Variants in DLC1 observed in about 807,000 individuals in gnomAD.
The protein encoded by DLC1 is rho GTPase-activating protein 7.
Under a neutral mutation model 140.3 loss-of-function variants are expected in DLC1, and 54 were observed. The ratio of observed to expected loss-of-function variants is 0.38; its 90% confidence interval spans 0.31 to 0.48. The LOEUF is 0.48. DLC1 is among the 20% of genes least tolerant of loss of function. The probability of loss-of-function intolerance (pLI) is 0.96; values close to 1 mark genes in which losing one functional copy is unlikely to be tolerated. For synonymous variants in DLC1, 986 were observed against 728.1 expected (o/e 1.35, Z -5.70); for missense variants, 2,536 against 1,907.0 (o/e 1.33, Z -6.14).
At chr8:13,594,706 A>G (rs897094811) in intron 1 of DLC1, among the ~76,000 whole-genome samples, 6 of 152,108 alleles carry the variant, frequency 3.9e-5, no homozygotes, top group Admixed American at 2.6e-4. Flanking sequence ...TAGAGAAGTA[A>G]AGAAAGAAAA....
chr8:13,259,142 A>C (rs1465418613), intron 5 of DLC1, among the ~76,000 whole-genome samples: 1 of 150,060 alleles, frequency 6.7e-6, no homozygotes, highest in East Asian at 1.9e-4. Flanking sequence ...GTCTCAAGAA[A>C]AAAAAAAAAA....
intron 5 of DLC1, among the ~76,000 whole-genome samples, chr8:13,139,169 G>A (rs1346847162): frequency 2.0e-5 from 3 of 151,396 alleles, no homozygotes; most frequent in South Asian, 4.2e-4. Flanking sequence ...GCTCGCCTGT[G>A]TTCCCAGCTA....
intron 4 of DLC1, among the ~76,000 whole-genome samples, chr8:13,371,962 T>G (rs1283690616): frequency 2.6e-5 from 4 of 151,998 alleles, no homozygotes; most frequent in Non-Finnish European, 2.9e-5. Flanking sequence ...AAGGAGAAAA[T>G]AAAAACTGTG....
chr8:13,330,159 C>T, intron 4 of DLC1, among the ~76,000 whole-genome samples: 1 of 152,208 alleles, frequency 6.6e-6, no homozygotes. Flanking sequence ...GAGACAGAAT[C>T]TTGCTATGTT....
At position 13,091,569 on chromosome 8, in the gene DLC1, T is replaced by G. The variant is rs953728189; in HGVS notation, c.3741-137A>C. 5.5e-5 allele frequency: 37 copies of G among 668,702 alleles called. No homozygotes were observed. In the Admixed American group the frequency reaches 9.7e-4, roughly 17 times the overall value. The allele number at this position is 668,702 out of a possible 1,614,324, so 41.4% of individuals were successfully genotyped here. ...TGTTTATTGTTAAGTGGATTAAGAGTGTTTTTACTTTGGTCACCAGAGTAT... is the reference window on the plus strand; with the variant it reads ...TGTTTATTGTTAAGTGGATTAAGAGGGTTTTTACTTTGGTCACCAGAGTAT... On this transcript the variant is annotated intron_variant, in intron 13 of 17. Coordinates refer to ENST00000276297, the MANE Select transcript of DLC1 (RefSeq NM_182643.3).
intron 10 of DLC1, 185 bp from the exon 11 acceptor site, chr8:13,095,430 T>G: frequency 1.5e-6 from 1 of 679,732 alleles, no homozygotes; most frequent in Non-Finnish European, 2.5e-6. Context: ...CTTCAGGTGC[T>G]CCTTCATCTT....
chr8:13,118,004 CTTTTTTTTTT>C (rs35775672), intron 5 of DLC1, among the ~76,000 whole-genome samples: 12 of 114,974 alleles, frequency 1.0e-4, no homozygotes, highest in Admixed American at 1.8e-4. Flanking sequence ...TGTTCTCTTT[CTTTTTTTTTT>C]TTTTTTTTTT....
intron 4 of DLC1, among the ~76,000 whole-genome samples, chr8:13,361,571 G>T (rs1415385191): frequency 6.6e-6 from 1 of 152,020 alleles, no homozygotes; most frequent in Non-Finnish European, 1.5e-5. Flanking sequence ...CTGCTCCAGT[G>T]TAGGTATTTT....
chr8:13,093,001 ATCC>A (rs1818208300), intron 12 of DLC1, among the ~76,000 whole-genome samples, 176 bp from the exon 13 acceptor site: 1 of 152,174 alleles, frequency 6.6e-6, no homozygotes, highest in South Asian at 2.1e-4. Context: ...CGGCGTCACT[ATCC>A]TCAAGTATTT....
chr8:13,460,935 G>A (rs1219435201), intron 2 of DLC1, among the ~76,000 whole-genome samples: 1 of 152,240 alleles, frequency 6.6e-6, no homozygotes, highest in Non-Finnish European at 1.5e-5. Flanking sequence ...ATGTAGGGCT[G>A]GGTGCCAAGG....
intron 1 of DLC1, among the ~76,000 whole-genome samples, chr8:13,557,113 C>A (rs1804076724): frequency 6.6e-6 from 1 of 152,190 alleles, no homozygotes; most frequent in African/African-American, 2.4e-5. Context: ...GAATGTTATT[C>A]TATTTCTAGG....
At chr8:13,594,741 C>G (rs1340702552) in intron 1 of DLC1, among the ~76,000 whole-genome samples, 1 of 151,266 alleles carries the variant, frequency 6.6e-6, no homozygotes, top group African/African-American at 2.4e-5. Flanking sequence ...CAGACAGCAA[C>G]TGAACACCTT....
chr8:13,467,958 A>C (rs902120552), intron 2 of DLC1, among the ~76,000 whole-genome samples: 1 of 152,158 alleles, frequency 6.6e-6, no homozygotes, highest in African/African-American at 2.4e-5. Flanking sequence ...GAATCTGTTT[A>C]ATATTTTGTT....
chr8:13,412,903 G>T (rs999038527), intron 2 of DLC1, among the ~76,000 whole-genome samples: 1 of 133,450 alleles, frequency 7.5e-6, no homozygotes, highest in Non-Finnish European at 1.5e-5. Flanking sequence ...CTGCACTCCA[G>T]TCTGGGCGAC....
intron 4 of DLC1, among the ~76,000 whole-genome samples, chr8:13,339,069 T>A (rs777306275): frequency 3.3e-5 from 5 of 152,234 alleles, no homozygotes; most frequent in Non-Finnish European, 7.3e-5. Flanking sequence ...ACGGGCTCAG[T>A]AAATGTTTGC....
At chr8:13,336,001 T>G (rs1833795854) in intron 4 of DLC1, among the ~76,000 whole-genome samples, 1 of 152,120 alleles carries the variant, frequency 6.6e-6, no homozygotes, top group Non-Finnish European at 1.5e-5. Flanking sequence ...AAGGTACTAT[T>G]TATTATATAT....
In DLC1 at chr8:13,100,137, C is replaced by T. The variant is rs1050940151; in HGVS notation, c.2200G>A (p.Val734Ile). The change falls in exon 9 of 18, where the codon GTT becomes ATT. Residue 734 changes from valine to isoleucine, a missense_variant. Val to Ile is a conservative substitution (Grantham distance 29). Coordinates refer to ENST00000276297, the MANE Select transcript of DLC1 (RefSeq NM_182643.3). ...CTGCTGGTCTGCGTGGAGTTGGAAA[C>T]GCTCCTCTTTCGTACCATGGGGACG... The part of the protein sequence containing the change: ...INVPMVRKRS[V>I]SNSTQTSSSS... The T allele has an allele frequency of 4.3e-6, 7 of 1,613,998 alleles. No individual in the cohort carries two copies. The highest frequency in any genetic ancestry group is 5.9e-6 in the Non-Finnish European group (7 of 1,180,042).
chr8:13,307,332 A>G (rs570575892), intron 4 of DLC1, among the ~76,000 whole-genome samples: 2 of 152,276 alleles, frequency 1.3e-5, no homozygotes, highest in South Asian at 4.1e-4. Flanking sequence ...TTTCCTGGGC[A>G]TTCTTTCATT....
chr8:13,104,248 G>C (rs890565227), intron 7 of DLC1, among the ~76,000 whole-genome samples: 12 of 151,182 alleles, frequency 7.9e-5, no homozygotes, highest in African/African-American at 2.7e-4. Flanking sequence ...TTTTGCAACA[G>C]CCATCCTATT....
Sources: allele counts gnomAD v4.1 joint callset (sites outside exome capture counted in the v4.1 genomes callset), GRCh38; gene constraint gnomAD v4.1.1; transcripts MANE v1.5; gene names NCBI Gene and HGNC (gene_info 2026-07-23, HGNC 2026-07-21).